The following PTPRM variants were observed in gnomAD, a reference collection of about 807,000 sequenced individuals.
PTPRM encodes the protein protein tyrosine phosphatase receptor type M.
PTPRM carries 47 observed loss-of-function variants against 186.7 expected under a neutral mutation model. The observed-to-expected ratio is 0.25, with a 90% confidence interval of 0.20 to 0.32. The LOEUF is 0.32. PTPRM is among the 10% of genes least tolerant of loss of function. The pLI is 1.00. For missense variants in PTPRM, 1,494 were observed against 1,865.0 expected, an observed-to-expected ratio of 0.80 and a Z score of 3.66; for synonymous variants, 668 against 674.9, an observed-to-expected ratio of 0.99 and a Z score of 0.16.
At chr18:7,643,228 T>G (rs1033560481) in intron 1 of PTPRM, among the ~76,000 whole-genome samples, 2 of 152,164 alleles carry the variant, frequency 1.3e-5, no homozygotes, top group Non-Finnish European at 2.9e-5. Context: ...CCTAGTATAA[T>G]GCTTTATAAA....
intron 32 of PTPRM, among the ~76,000 whole-genome samples, chr18:8,401,710 C>T (rs1003439493): frequency 1.3e-5 from 2 of 152,228 alleles, no homozygotes; most frequent in Non-Finnish European, 2.9e-5. Context: ...AGGCTCGGGC[C>T]CCTGACGGAG....
intron 7 of PTPRM, among the ~76,000 whole-genome samples, chr18:8,017,478 G>A (rs8090607): frequency 0.033 from 5,017 of 151,356 alleles, 280 homozygotes; most frequent in African/African-American, 0.12. Context: ...ACCTACTCAG[G>A]AGGCTGAGGC....
At chr18:8,276,177 G>A (rs548272407) in intron 19 of PTPRM, among the ~76,000 whole-genome samples, 26 of 152,058 alleles carry the variant, frequency 1.7e-4, no homozygotes, top group Non-Finnish European at 3.4e-4. Context: ...ATCCCTCACT[G>A]TTTTCTCCTT....
chr18:8,054,083 C>T (rs904139792), intron 7 of PTPRM, among the ~76,000 whole-genome samples: 4 of 151,782 alleles, frequency 2.6e-5, no homozygotes, highest in South Asian at 2.1e-4. Flanking sequence ...GCTGTTTTTT[C>T]TTGTTTCATT....
chr18:7,934,209 T>C (rs1392272977), intron 5 of PTPRM, among the ~76,000 whole-genome samples: 2 of 152,226 alleles, frequency 1.3e-5, no homozygotes, highest in Non-Finnish European at 2.9e-5. Context: ...CCACCTTTTG[T>C]AAAGAATGTA....
At chr18:7,683,630 T>G (rs2039530371) in intron 1 of PTPRM, among the ~76,000 whole-genome samples, 1 of 152,208 alleles carries the variant, frequency 6.6e-6, no homozygotes, top group Admixed American at 6.5e-5. Context: ...GAAATCCTGG[T>G]GTGAGAAGTA....
At chr18:8,345,924 A>G (rs1371840752) in intron 23 of PTPRM, among the ~76,000 whole-genome samples, 1 of 152,204 alleles carries the variant, frequency 6.6e-6, no homozygotes. Context: ...GTATGATAGT[A>G]AGATTTACGT....
chr18:7,764,066 C>T lies in PTPRM; in HGVS notation c.74-10083C>T, dbSNP rs1366190876. 3.3e-5 allele frequency among the ~76,000 whole-genome samples: 5 copies of T among 151,642 alleles called. No individual in the cohort carries two copies. In the East Asian group the frequency reaches 7.8e-4, roughly 24 times the overall value. On this transcript the variant is annotated intron_variant, in intron 1 of 32. Coordinates refer to ENST00000580170, the MANE Select transcript of PTPRM (RefSeq NM_001105244.2). ...TCTACTTAGGAGAAAAATTATAGAT[C>T]AGGGTTTTCTTAGCATGAAATTTAA...
At chr18:7,686,497 A>G (rs1291618903) in intron 1 of PTPRM, among the ~76,000 whole-genome samples, 1 of 152,148 alleles carries the variant, frequency 6.6e-6, no homozygotes, top group Non-Finnish European at 1.5e-5. Context: ...TCTTATTTGC[A>G]TAATATCAAT....
chr18:7,831,489 T>G (rs2045757374), intron 2 of PTPRM, among the ~76,000 whole-genome samples: 1 of 152,170 alleles, frequency 6.6e-6, no homozygotes, highest in African/African-American at 2.4e-5. Context: ...TTTTTAAAAA[T>G]TGTTATGGTA....
intron 5 of PTPRM, among the ~76,000 whole-genome samples, chr18:7,927,680 G>A (rs554586363): frequency 3.3e-5 from 5 of 152,158 alleles, no homozygotes; most frequent in Admixed American, 6.5e-5. Flanking sequence ...TGGAGACTCC[G>A]TGTGACACTC....
intron 9 of PTPRM, among the ~76,000 whole-genome samples, chr18:8,078,776 G>C (rs899770243): frequency 6.6e-6 from 1 of 152,190 alleles, no homozygotes; most frequent in Non-Finnish European, 1.5e-5. Context: ...GAATGTGGCA[G>C]AGGGTGAAGG....
At chr18:8,273,420 T>C (rs1449503243) in intron 19 of PTPRM, among the ~76,000 whole-genome samples, 4 of 152,188 alleles carry the variant, frequency 2.6e-5, no homozygotes, top group Non-Finnish European at 5.9e-5. Context: ...GCAGTGGTTC[T>C]GAAAGATGGG....
intron 7 of PTPRM, among the ~76,000 whole-genome samples, chr18:8,030,830 A>T (rs1181869533): frequency 6.6e-6 from 1 of 152,204 alleles, no homozygotes; most frequent in East Asian, 1.9e-4. Context: ...CTTTTGAAAG[A>T]TTCTTTATAT....
intron 2 of PTPRM, among the ~76,000 whole-genome samples, chr18:7,798,620 A>G (rs2043794317): frequency 1.3e-5 from 2 of 151,804 alleles, no homozygotes; most frequent in African/African-American, 4.8e-5. Context: ...ACACCTCTCA[A>G]TCTCTTTCAG....
intron 1 of PTPRM, among the ~76,000 whole-genome samples, chr18:7,680,838 T>C (rs1160111429): frequency 6.6e-6 from 1 of 152,234 alleles, no homozygotes; most frequent in Admixed American, 6.5e-5. Context: ...AAGTGTGGGC[T>C]ATGGGGTGGG....
intron 19 of PTPRM, among the ~76,000 whole-genome samples, chr18:8,265,869 T>C (rs1235329148): frequency 2.6e-5 from 4 of 152,140 alleles, no homozygotes; most frequent in African/African-American, 9.7e-5. Context: ...ACGGTCTCCT[T>C]AGAGATGCTG....
At chr18:7,746,458 A>G (rs1485445474) in intron 1 of PTPRM, among the ~76,000 whole-genome samples, 4 of 151,934 alleles carry the variant, frequency 2.6e-5, no homozygotes, top group Non-Finnish European at 5.9e-5. Context: ...CAACCTAGTA[A>G]ATTCTTTTTT....
At chr18:7,710,356 A>T (rs1239086441) in intron 1 of PTPRM, among the ~76,000 whole-genome samples, 2 of 152,214 alleles carry the variant, frequency 1.3e-5, no homozygotes, top group East Asian at 3.8e-4. Flanking sequence ...TCCCTTTATG[A>T]TAAAACCCTG....
Sources: allele counts gnomAD v4.1 joint callset (sites outside exome capture counted in the v4.1 genomes callset), GRCh38; gene constraint gnomAD v4.1.1; transcripts MANE v1.5; gene names NCBI Gene and HGNC (gene_info 2026-07-23, HGNC 2026-07-21).